Variants in PCDHGA7 observed in about 807,000 individuals in gnomAD.
PCDHGA7 encodes protocadherin gamma-A7.
Under a neutral mutation model 58.3 loss-of-function variants are expected in PCDHGA7, and 44 were observed. That is an observed-to-expected ratio of 0.75 (90% CI 0.59 to 0.97). The LOEUF (loss-of-function observed/expected upper bound fraction) is 0.97, where lower values mean the gene tolerates loss of function less well. Among genes scored for constraint, PCDHGA7 ranks in the 50% least tolerant of loss-of-function variants. PCDHGA7 has a pLI of 0.00. For synonymous variants in PCDHGA7, 516 were observed against 504.2 expected, an observed-to-expected ratio of 1.02 and a Z score of -0.31; for missense variants, 1,266 against 1,188.7, an observed-to-expected ratio of 1.06 and a Z score of -0.96.
intron 1 of PCDHGA7, chr5:141,422,908 C>T (rs1340882515): frequency 2.5e-6 from 4 of 1,614,126 alleles, no homozygotes; most frequent in Non-Finnish European, 3.4e-6. Context: ...CGACAATGCG[C>T]CCGAGATCCT....
At chr5:141,473,974 C>A (rs958240236) in intron 1 of PCDHGA7, among the ~76,000 whole-genome samples, 1 of 152,054 alleles carries the variant, frequency 6.6e-6, no homozygotes, top group Non-Finnish European at 1.5e-5. Flanking sequence ...AAGTCTGAGG[C>A]GGGAGGATCC....
Position 141,385,038 on chromosome 5 carries a change from G to C in PCDHGA7, c.2139G>C (p.Ala713=), listed in dbSNP as rs377185831. ...VFLAFVLVLL[A]LRLRRWHKSR... Reference sequence around the variant, plus strand: ...TAGCCTTCGTCCTCGTACTGCTGGCGCTCAGGCTGCGGCGCTGGCACAAGT... The same window carrying C: ...TAGCCTTCGTCCTCGTACTGCTGGCCCTCAGGCTGCGGCGCTGGCACAAGT... Residue 713 remains alanine, a synonymous_variant, in exon 1 of 4, where the codon GCG becomes GCC. Coordinates refer to ENST00000518325, the MANE Select transcript of PCDHGA7 (RefSeq NM_018920.4). 4.3e-6 allele frequency: 7 copies of C among 1,614,138 alleles called. No homozygotes were observed. Among genetic ancestry groups the C allele is most frequent in the Non-Finnish European group, 5.9e-6 (7 of 1,180,050 alleles).
In PCDHGA7 at chr5:141,413,958, G is replaced by A. The variant is rs774080265; in HGVS notation, c.2424+28635G>A. On this transcript the variant is annotated intron_variant, in intron 1 of 3. Coordinates refer to ENST00000518325, the MANE Select transcript of PCDHGA7 (RefSeq NM_018920.4). ...TGAGTGTTCCTGAGAATTTGCCTGT[G>A]GGCACTCAGCTGCTGACAGTCACAG... The A allele has an allele frequency of 5.0e-6, 8 of 1,613,276 alleles. No individual in the cohort carries two copies. In the South Asian group the frequency reaches 6.6e-5, roughly 13 times the overall value.
intron 1 of PCDHGA7, chr5:141,419,071 A>G: frequency 6.2e-7 from 1 of 1,614,006 alleles, no homozygotes; most frequent in South Asian, 1.1e-5. Flanking sequence ...ACTACAAGCT[A>G]GTAACAGATG....
intron 1 of PCDHGA7, among the ~76,000 whole-genome samples, chr5:141,450,145 T>A (rs2098671113): frequency 6.6e-6 from 1 of 151,890 alleles, no homozygotes; most frequent in South Asian, 2.1e-4. Flanking sequence ...TAGCTGGGAC[T>A]ACAGGCATGT....
intron 1 of PCDHGA7, among the ~76,000 whole-genome samples, chr5:141,463,706 A>T (rs568865377): frequency 2.9e-3 from 440 of 152,024 alleles, no homozygotes; most frequent in Non-Finnish European, 4.6e-3. Context: ...TCGGCCTCCA[A>T]AAGTGCTGGG....
intron 2 of PCDHGA7, among the ~76,000 whole-genome samples, chr5:141,504,351 G>C (rs77439649): frequency 0.021 from 3,233 of 152,120 alleles, 109 homozygotes; most frequent in African/African-American, 0.075. Context: ...CTTTGTGCTA[G>C]GTGCTTCAGT....
At chr5:141,454,344 G>A (rs1455147295) in intron 1 of PCDHGA7, among the ~76,000 whole-genome samples, 3 of 152,236 alleles carry the variant, frequency 2.0e-5, no homozygotes, top group Non-Finnish European at 4.4e-5. Flanking sequence ...AATGTTGGAA[G>A]TTGATCCAAA....
rs150878327 is a variant in PCDHGA7 at position 141,438,347 on chromosome 5, C to A, written c.2424+53024C>A. On this transcript the variant is annotated intron_variant, in intron 1 of 3. Coordinates refer to ENST00000518325, the MANE Select transcript of PCDHGA7 (RefSeq NM_018920.4). ...CTTATACATGTCATATAAGGATCTACTCTGTGTATTGTCATTGAGGGCAGA... is the reference window on the plus strand; with the variant it reads ...CTTATACATGTCATATAAGGATCTAATCTGTGTATTGTCATTGAGGGCAGA... Among the ~76,000 whole-genome samples the A allele has an allele frequency of 3.9e-3, 588 of 151,848 alleles. 6 individuals are homozygous for A. Among genetic ancestry groups the A allele is most frequent in the Admixed American group, 0.011 (169 of 15,256 alleles).
chr5:141,413,381 G>A, intron 1 of PCDHGA7: 1 of 1,613,946 alleles, frequency 6.2e-7, no homozygotes, highest in Non-Finnish European at 8.5e-7. Flanking sequence ...CGCGGAGTCC[G>A]CATAGTCTCC....
intron 1 of PCDHGA7, chr5:141,422,581 G>A (rs1223117895): frequency 3.7e-6 from 6 of 1,613,984 alleles, no homozygotes; most frequent in Non-Finnish European, 4.2e-6. Flanking sequence ...TAACCCTCCC[G>A]TTTTTCCTCA....
chr5:141,487,968 T>C lies in PCDHGA7; in HGVS notation c.2425-6839T>C, dbSNP rs2099670029. Among the ~76,000 whole-genome samples the C allele has an allele frequency of 6.6e-6, 1 of 152,236 alleles. No individual in the cohort carries two copies. The highest frequency in any genetic ancestry group is 1.5e-5 in the Non-Finnish European group (1 of 68,050). On this transcript the variant is annotated intron_variant, in intron 1 of 3. Transcript: ENST00000518325. This position sits in a 1 kb window ranked among gnomAD's most constrained non-coding sequence, Gnocchi z 5.0. The stretch of plus-strand genomic sequence containing the variant: ...AGGCAGTCACTTGGACAAAGGTGGC[T>C]GTTTTCTCTACTCTTCCTGAAAGAG...
intron 2 of PCDHGA7, among the ~76,000 whole-genome samples, chr5:141,496,125 T>C (rs1318749514): frequency 6.8e-6 from 1 of 146,032 alleles, no homozygotes; most frequent in Non-Finnish European, 1.5e-5. Context: ...TCCCTGCCCC[T>C]CACACACTGA....
intron 1 of PCDHGA7, chr5:141,410,443 T>A (rs1207487083): frequency 6.2e-7 from 1 of 1,613,926 alleles, no homozygotes; most frequent in Non-Finnish European, 8.5e-7. Context: ...GTGAGGGGAC[T>A]TTGCCTTATT....
chr5:141,384,126 C>A lies in PCDHGA7; in HGVS notation c.1227C>A (p.Asn409Lys), dbSNP rs749225079. Residue 409 changes from asparagine (N) to lysine (K), a missense_variant, in exon 1 of 4, where the codon AAC (asparagine) becomes AAA (lysine). By Grantham distance (94) the Asn-to-Lys change is moderately conservative. Transcript: ENST00000518325. ...DNYYRLVTTK[N>K]LDRETLSLYN... ...ATTATAGATTGGTCACAACCAAAAA[C>A]TTGGACCGGGAAACACTCTCTTTGT... 4 of 1,610,820 alleles carry A rather than the reference C, an allele frequency of 2.5e-6. No individual in the cohort carries two copies. The Admixed American group carries it at 6.7e-5, about 27-fold the overall frequency.
chr5:141,458,695 G>T (rs551105765), intron 1 of PCDHGA7, among the ~76,000 whole-genome samples: 2 of 151,734 alleles, frequency 1.3e-5, no homozygotes, highest in Non-Finnish European at 2.9e-5. Context: ...TCAGCCTCCC[G>T]AGTAGCTGGG....
chr5:141,411,765 T>A (rs796485295), intron 1 of PCDHGA7: 1 of 152,418 alleles, frequency 6.6e-6, no homozygotes, highest in South Asian at 2.1e-4. Context: ...GCCTGTGGTC[T>A]CAGCTACTCT....
intron 1 of PCDHGA7, chr5:141,403,422 C>G: frequency 6.2e-7 from 1 of 1,614,030 alleles, no homozygotes; most frequent in Non-Finnish European, 8.5e-7. Flanking sequence ...CTTCCAGAAG[C>G]TATTGATCCG....
At chr5:141,393,825 G>A (rs2092852640) in intron 1 of PCDHGA7, 10 of 1,613,964 alleles carry the variant, frequency 6.2e-6, no homozygotes, top group Non-Finnish European at 8.5e-6. Context: ...CATTTCGGTG[G>A]AAGATGTAAA....
Sources: gnomAD v4.1 joint callset for allele counts (sites outside exome capture counted in the v4.1 genomes callset) on GRCh38, gnomAD v4.1.1 for gene constraint, Gnocchi (gnomAD v3.1) non-coding constraint, MANE v1.5 for transcripts, NCBI Gene and HGNC (gene_info 2026-07-23, HGNC 2026-07-21) for gene names.